Variants in ZNF385C observed in about 807,000 individuals in gnomAD.
ZNF385C encodes the protein zinc finger protein 385C.
A neutral mutation model predicts 35.4 loss-of-function variants in ZNF385C; 28 were observed. The ratio of observed to expected loss-of-function variants is 0.79; its 90% confidence interval spans 0.59 to 1.08. The LOEUF is 1.08. ZNF385C is among the 50% of genes least tolerant of loss of function. ZNF385C has a pLI of 0.00. For synonymous variants in ZNF385C, 248 were observed against 248.2 expected (o/e 1.00, Z 0.01); for missense variants, 605 against 595.6 (o/e 1.02, Z -0.16).
chr17:42,082,714 G>A (rs192252088), intron 1 of ZNF385C, among the ~76,000 whole-genome samples: 1 of 152,198 alleles, frequency 6.6e-6, no homozygotes, highest in Non-Finnish European at 1.5e-5. Flanking sequence ...AGGAGGATTG[G>A]TTGAGTCTAG....
At chr17:42,087,973 G>C (rs1290542556) in intron 1 of ZNF385C, among the ~76,000 whole-genome samples, 1 of 152,186 alleles carries the variant, frequency 6.6e-6, no homozygotes, top group Non-Finnish European at 1.5e-5. Flanking sequence ...TTTTAGGGCT[G>C]TAGGCCATGC....
intron 1 of ZNF385C, 62 bp downstream of exon 1, chr17:42,098,348 C>G (rs1360900109): frequency 1.3e-5 from 2 of 152,306 alleles, no homozygotes; most frequent in Non-Finnish European, 2.9e-5. Flanking sequence ...GAAGAGGCTG[C>G]CTCGTTCTCC....
chr17:42,057,065 G>A (rs571080544), intron 2 of ZNF385C, among the ~76,000 whole-genome samples: 163 of 152,202 alleles, frequency 1.1e-3, no homozygotes, highest in Non-Finnish European at 1.9e-3. Flanking sequence ...GAGCCCAGGA[G>A]GTAAAAGATG....
chr17:42,038,390 G>A, intron 2 of ZNF385C: 2 of 319,384 alleles, frequency 6.3e-6, no homozygotes, highest in East Asian at 7.6e-5. Flanking sequence ...GGAAACCCAT[G>A]GGCTCTGAAG....
chr17:42,092,870 G>C (rs2053876768), intron 1 of ZNF385C, among the ~76,000 whole-genome samples: 1 of 152,004 alleles, frequency 6.6e-6, no homozygotes, highest in African/African-American at 2.4e-5. Flanking sequence ...AGATCAGAAG[G>C]GTAGAGAAGT....
intron 2 of ZNF385C, chr17:42,043,397 AC>A (rs1225126395): frequency 1.4e-5 from 17 of 1,231,482 alleles, no homozygotes; most frequent in Non-Finnish European, 1.7e-5. Context: ...TCAGCAAGGA[AC>A]CCCCAACCCC....
intron 1 of ZNF385C, among the ~76,000 whole-genome samples, chr17:42,075,683 A>T (rs965741909): frequency 6.6e-6 from 1 of 151,886 alleles, no homozygotes; most frequent in Non-Finnish European, 1.5e-5. Context: ...TTTAGTAGAG[A>T]CAGGGTTTCA....
intron 3 of ZNF385C, among the ~76,000 whole-genome samples, chr17:42,034,945 A>G (rs2143578391): frequency 6.6e-6 from 1 of 150,704 alleles, no homozygotes; most frequent in Admixed American, 6.6e-5. Flanking sequence ...TGGCCAAGAG[A>G]AACTCCTTCT....
chr17:42,041,325 C>T, intron 2 of ZNF385C: 1 of 734,496 alleles, frequency 1.4e-6, no homozygotes, highest in Non-Finnish European at 1.9e-6. Context: ...CCTGGCTTTG[C>T]CACTTACTGG....
chr17:42,040,195 G>A, intron 2 of ZNF385C: 4 of 1,231,598 alleles, frequency 3.2e-6, no homozygotes, highest in Non-Finnish European at 4.0e-6. Context: ...GGCGGCCACG[G>A]CGTCCAGCGA....
Position 42,095,715 on chromosome 17 carries a change from C to T in ZNF385C, c.-3+2695G>A, listed in dbSNP as rs192524481. 1.2e-4 allele frequency among the ~76,000 whole-genome samples: 18 copies of T among 152,218 alleles called. No individual in the cohort carries two copies. Among genetic ancestry groups the T allele is most frequent in the Admixed American group, 3.9e-4 (6 of 15,300 alleles). ...ATGACAACTGACAATCTTCATTTCA[C>T]CTTGAAACTCCGTCCTGGTCCAGGT... On this transcript the variant is annotated intron_variant, in intron 1 of 8. Transcript: ENST00000692273. This position sits in a 1 kb window ranked among gnomAD's most constrained non-coding sequence, Gnocchi z 4.4.
chr17:42,042,994 T>C, intron 2 of ZNF385C: 2 of 1,232,356 alleles, frequency 1.6e-6, no homozygotes, highest in Non-Finnish European at 1.0e-6. Flanking sequence ...CACAGCCACT[T>C]TGGCCGGGTC....
chr17:42,036,433 C>G (rs4075287), intron 3 of ZNF385C, among the ~76,000 whole-genome samples: 5 of 152,006 alleles, frequency 3.3e-5, no homozygotes, highest in Non-Finnish European at 5.9e-5. Flanking sequence ...TGGCTCACAC[C>G]TGTAATCCCA....
chr17:42,028,574 T>C (rs1244428231), intron 6 of ZNF385C: 1 of 667,860 alleles, frequency 1.5e-6, no homozygotes, highest in African/African-American at 1.8e-5. Context: ...GACCTTCAGT[T>C]CTTGCTGCCT....
In ZNF385C at chr17:42,026,924, T is replaced by G. The variant is rs1555654235; in HGVS notation, c.1485A>C (p.Thr495=). 2 of 1,604,068 alleles carry G rather than the reference T, an allele frequency of 1.2e-6. No homozygotes were observed. Among genetic ancestry groups the G allele is most frequent in the African/African-American group, 2.7e-5 (2 of 74,758 alleles). ...AATAAGGGGCAAGGACGATAGGTCC[T>G]GTGGCAGGGCGGACAGCTCCTGCTG... The part of the protein sequence containing the change: ...RTPAGAVRPA[T]GPIVLAPY Residue 495 remains threonine, a synonymous_variant, in exon 9 of 9, where the codon ACA becomes ACC. Transcript: ENST00000692273.
At chr17:42,040,469 C>A in intron 2 of ZNF385C, 2 of 1,232,266 alleles carry the variant, frequency 1.6e-6, no homozygotes, top group African/African-American at 3.1e-5. Context: ...AAGTCCGGCT[C>A]TTCTGCCTGC....
intron 2 of ZNF385C, chr17:42,040,614 G>A (rs958201323): frequency 7.3e-6 from 9 of 1,232,248 alleles, no homozygotes; most frequent in Non-Finnish European, 9.1e-6. Context: ...CCTCCAGGGT[G>A]GGCACCAGGC....
chr17:42,035,118 CAAAA>C (rs1239388932), intron 3 of ZNF385C, among the ~76,000 whole-genome samples: 1 of 81,506 alleles, frequency 1.2e-5, no homozygotes, highest in African/African-American at 5.0e-5. Flanking sequence ...GACTCTGTCT[CAAAA>C]AAAAAAAAAA....
chr17:42,055,191 T>A (rs2053353771), intron 2 of ZNF385C, among the ~76,000 whole-genome samples: 1 of 151,888 alleles, frequency 6.6e-6, no homozygotes, highest in Non-Finnish European at 1.5e-5. Flanking sequence ...CTGGGAGGGG[T>A]TGGCAGCGGC....
Sources: allele counts gnomAD v4.1 joint callset (sites outside exome capture counted in the v4.1 genomes callset), GRCh38; gene constraint gnomAD v4.1.1; non-coding constraint Gnocchi (gnomAD v3.1); transcripts MANE v1.5; gene names NCBI Gene and HGNC (gene_info 2026-07-23, HGNC 2026-07-21).